PPARGC1A: variants seen among roughly 807,000 people sequenced by gnomAD.
PPARGC1A encodes the protein PPARG coactivator 1 alpha.
A neutral mutation model predicts 88.7 loss-of-function variants in PPARGC1A; 25 were observed. That is an observed-to-expected ratio of 0.28 (90% CI 0.21 to 0.39). PPARGC1A has a LOEUF of 0.39. PPARGC1A is among the 10% of genes least tolerant of loss of function. The pLI, the probability that PPARGC1A is intolerant of heterozygous loss-of-function variation, is 1.00. For synonymous variants in PPARGC1A, 363 were observed against 355.6 expected, an observed-to-expected ratio of 1.02 and a Z score of -0.24; for missense variants, 880 against 968.7, an observed-to-expected ratio of 0.91 and a Z score of 1.22.
At chr4:24,436,215 A>T in the PPARGC1A span, among the ~76,000 whole-genome samples, 1 of 152,274 alleles carries the variant, frequency 6.6e-6, no homozygotes, top group Admixed American at 6.5e-5. Context: ...AATCTCAATA[A>T]GCAAGATAGT....
At chr4:23,952,826 T>G in the PPARGC1A span, among the ~76,000 whole-genome samples, 2 of 152,078 alleles carry the variant, frequency 1.3e-5, no homozygotes, top group African/African-American at 4.8e-5. Flanking sequence ...TGCCTCTACG[T>G]GGCTATTTGT....
chr4:24,324,208 A>T, the PPARGC1A span, among the ~76,000 whole-genome samples: 1 of 143,942 alleles, frequency 6.9e-6, no homozygotes, highest in East Asian at 1.9e-4. Flanking sequence ...AAGTACCCCA[A>T]CCCCTTCTCT....
chr4:24,340,499 A>G, the PPARGC1A span, among the ~76,000 whole-genome samples: 4 of 152,224 alleles, frequency 2.6e-5, no homozygotes, highest in African/African-American at 9.6e-5. Context: ...ATCTTCTCCC[A>G]TAATTACACT....
At chr4:24,213,174 T>C in the PPARGC1A span, among the ~76,000 whole-genome samples, 2 of 149,442 alleles carry the variant, frequency 1.3e-5, no homozygotes, top group Non-Finnish European at 3.0e-5. Context: ...CCTTTTTTTT[T>C]TTTTTTTTTT....
intron 2 of PPARGC1A, among the ~76,000 whole-genome samples, chr4:23,878,084 G>A (rs1355599461): frequency 6.6e-6 from 1 of 152,036 alleles, no homozygotes; most frequent in Non-Finnish European, 1.5e-5. Context: ...GTGAATTTGG[G>A]TCTCCACTAT....
the PPARGC1A span, among the ~76,000 whole-genome samples, chr4:24,180,419 G>A: frequency 6.6e-6 from 1 of 152,062 alleles, no homozygotes; most frequent in Admixed American, 6.6e-5. Flanking sequence ...ATATTCATCT[G>A]TGTGCCACTT....
intron 4 of PPARGC1A, 45 bp from the exon 5 acceptor site, chr4:23,828,649 C>A: frequency 6.4e-7 from 1 of 1,569,594 alleles, no homozygotes; most frequent in Non-Finnish European, 8.8e-7. Flanking sequence ...TGAACTGAAC[C>A]TTATCAGAAT....
the PPARGC1A span, among the ~76,000 whole-genome samples, chr4:24,234,809 C>T: frequency 6.6e-6 from 1 of 152,138 alleles, no homozygotes; most frequent in Non-Finnish European, 1.5e-5. Flanking sequence ...TGGCTCAGCT[C>T]GTCATACTAA....
chr4:23,910,312 A>AATATTAT, the PPARGC1A span, among the ~76,000 whole-genome samples: 1 of 47,448 alleles, frequency 2.1e-5, no homozygotes, highest in East Asian at 3.9e-4. Context: ...CCCTATATAT[A>AATATTAT]ATATTATATA....
At chr4:24,251,157 A>C in the PPARGC1A span, among the ~76,000 whole-genome samples, 1 of 152,240 alleles carries the variant, frequency 6.6e-6, no homozygotes, top group Non-Finnish European at 1.5e-5. Context: ...AGCATAAGTC[A>C]TTATTATTAA....
At chr4:24,331,820 G>T in the PPARGC1A span, among the ~76,000 whole-genome samples, 8 of 151,364 alleles carry the variant, frequency 5.3e-5, no homozygotes, top group Admixed American at 5.3e-4. Context: ...AGAACGTGCA[G>T]GTTTGTTACA....
At chr4:23,912,731 G>A in the PPARGC1A span, among the ~76,000 whole-genome samples, 15 of 151,656 alleles carry the variant, frequency 9.9e-5, no homozygotes, top group African/African-American at 3.6e-4. Context: ...TCTTAAATGA[G>A]TTTCCAGCCT....
At chr4:24,081,698 G>A in the PPARGC1A span, among the ~76,000 whole-genome samples, 2 of 152,026 alleles carry the variant, frequency 1.3e-5, no homozygotes, top group African/African-American at 4.8e-5. Flanking sequence ...TTTATAGGAA[G>A]GGGACAATTG....
At chr4:23,941,766 T>C in the PPARGC1A span, among the ~76,000 whole-genome samples, 931 of 152,232 alleles carry the variant, frequency 6.1e-3, 16 homozygotes, top group African/African-American at 0.021. Flanking sequence ...CAGGTATGAT[T>C]TCCCTGGATA....
the PPARGC1A span, among the ~76,000 whole-genome samples, chr4:24,386,726 T>C: frequency 6.6e-6 from 1 of 152,056 alleles, no homozygotes; most frequent in East Asian, 1.9e-4. Context: ...AAACCACTGC[T>C]CAAGGAAATA....
At chr4:24,165,338 TA>T in the PPARGC1A span, among the ~76,000 whole-genome samples, 1 of 152,166 alleles carries the variant, frequency 6.6e-6, no homozygotes. Context: ...AAAATAAAAC[TA>T]ATCTTTGTAT....
chr4:24,395,352 C>T, the PPARGC1A span, among the ~76,000 whole-genome samples: 1 of 152,232 alleles, frequency 6.6e-6, no homozygotes, highest in Non-Finnish European at 1.5e-5. Flanking sequence ...AGCCACAGTG[C>T]CCACAGGTCT....
the PPARGC1A span, among the ~76,000 whole-genome samples, chr4:24,360,386 C>T: frequency 6.6e-6 from 1 of 152,138 alleles, no homozygotes; most frequent in South Asian, 2.1e-4. Context: ...CACTCTGCAC[C>T]AGCCACAAGC....
At chr4:24,451,823 G>A in the PPARGC1A span, among the ~76,000 whole-genome samples, 6 of 152,244 alleles carry the variant, frequency 3.9e-5, no homozygotes, top group East Asian at 3.9e-4. Flanking sequence ...CAATCTGCCC[G>A]CCTCAGCCTC....
Sources: gnomAD v4.1 joint callset for allele counts (sites outside exome capture counted in the v4.1 genomes callset) on GRCh38, gnomAD v4.1.1 for gene constraint, MANE v1.5 for transcripts, NCBI Gene and HGNC (gene_info 2026-07-23, HGNC 2026-07-21) for gene names.